Variants in MMRN1 observed in about 807,000 individuals in gnomAD.
MMRN1 encodes multimerin 1.
Under a neutral mutation model 100.7 loss-of-function variants are expected in MMRN1, and 94 were observed. That is an observed-to-expected ratio of 0.93 (90% CI 0.79 to 1.11). The LOEUF (loss-of-function observed/expected upper bound fraction) is 1.11. MMRN1 is among the 50% of genes least tolerant of loss of function. The pLI, the probability that MMRN1 is intolerant of heterozygous loss-of-function variation, is 0.00. For missense variants in MMRN1, 1,606 were observed against 1,439.1 expected (o/e 1.12, Z -1.88); for synonymous variants, 575 against 505.0 (o/e 1.14, Z -1.86).
intron 3 of MMRN1, among the ~76,000 whole-genome samples, chr4:89,919,758 C>T (rs574997062): frequency 6.6e-6 from 1 of 152,086 alleles, no homozygotes. Flanking sequence ...GAAACAAATG[C>T]TTTTAAAATT....
intron 1 of MMRN1, among the ~76,000 whole-genome samples, chr4:89,908,106 C>G (rs939088974): frequency 3.3e-5 from 5 of 151,254 alleles, no homozygotes; most frequent in Admixed American, 6.6e-5. Context: ...AAACTCAGAT[C>G]TCTATTTTCT....
chr4:89,895,725 C>A, intron 1 of MMRN1, 131 bp downstream of exon 1: 1 of 1,385,218 alleles, frequency 7.2e-7, no homozygotes, highest in Non-Finnish European at 9.6e-7. Context: ...ATAATTTCAC[C>A]ATTTCAGTTA....
intron 1 of MMRN1, among the ~76,000 whole-genome samples, chr4:89,886,958 C>T (rs1720950572): frequency 6.6e-6 from 1 of 152,050 alleles, no homozygotes. Context: ...CTTATTTCTG[C>T]CATCTAACTG....
chr4:89,916,548 T>G (rs1172001651), intron 3 of MMRN1, among the ~76,000 whole-genome samples: 1 of 151,732 alleles, frequency 6.6e-6, no homozygotes, highest in East Asian at 1.9e-4. Flanking sequence ...GAAAAAAGCT[T>G]AATTTTTCTC....
At chr4:89,913,500 A>C (rs544711160) in intron 3 of MMRN1, among the ~76,000 whole-genome samples, 2 of 151,352 alleles carry the variant, frequency 1.3e-5, no homozygotes, top group Non-Finnish European at 3.0e-5. Context: ...GGTGGACTAC[A>C]TACATGTAGG....
intron 1 of MMRN1, among the ~76,000 whole-genome samples, chr4:89,904,064 C>T (rs1358977875): frequency 1.3e-5 from 2 of 151,642 alleles, no homozygotes; most frequent in Non-Finnish European, 2.9e-5. Flanking sequence ...GTATTGATGA[C>T]AACTCTGATG....
chr4:89,895,733 T>A, intron 1 of MMRN1, 139 bp downstream of exon 1: 1 of 1,372,442 alleles, frequency 7.3e-7, no homozygotes, highest in Non-Finnish European at 9.7e-7. Context: ...ACCATTTCAG[T>A]TAGATAAAGT....
chr4:89,944,235 G>A (rs1722919820), intron 6 of MMRN1, among the ~76,000 whole-genome samples: 1 of 151,484 alleles, frequency 6.6e-6, no homozygotes, highest in South Asian at 2.1e-4. Context: ...ATTAATTTTT[G>A]TGACCATCTC....
At chr4:89,889,453 G>A (rs149750413) in intron 1 of MMRN1, among the ~76,000 whole-genome samples, 1 of 152,168 alleles carries the variant, frequency 6.6e-6, no homozygotes, top group Non-Finnish European at 1.5e-5. Flanking sequence ...AAGGGACCAG[G>A]CATAGTTCCT....
chr4:89,933,766 G>T (rs1359198552), intron 5 of MMRN1, among the ~76,000 whole-genome samples: 1 of 152,026 alleles, frequency 6.6e-6, no homozygotes, highest in Non-Finnish European at 1.5e-5. Context: ...CAACATGTGG[G>T]GATTATGGGA....
At position 89,894,920 on chromosome 4, in the gene MMRN1, A is replaced by T; in HGVS notation, c.-52A>T. ...TGGAAGCAGCTATCAAAAAGGCCAT[A>T]AGGATTTTGTCCCCAAATTTCACAT... On this transcript the variant is annotated 5_prime_UTR_variant, in exon 1 of 8. Coordinates refer to ENST00000264790, the MANE Select transcript of MMRN1 (RefSeq NM_007351.3). 3 of 1,555,898 alleles carry T rather than the reference A, an allele frequency of 1.9e-6. No homozygotes were observed. The South Asian group carries it at 3.8e-5, about 19-fold the overall frequency.
At chr4:89,914,090 G>A (rs1028286235) in intron 3 of MMRN1, among the ~76,000 whole-genome samples, 1 of 151,234 alleles carries the variant, frequency 6.6e-6, no homozygotes, top group Non-Finnish European at 1.5e-5. Context: ...TTTGTCCCTT[G>A]AACCTTCATT....
At chr4:89,904,755 AG>A (rs1282985431) in intron 1 of MMRN1, among the ~76,000 whole-genome samples, 3 of 151,668 alleles carry the variant, frequency 2.0e-5, no homozygotes, top group East Asian at 1.9e-4. Flanking sequence ...TTCTCAAATT[AG>A]GGTAGTGTGC....
At chr4:89,896,048 C>A (rs940657737) in intron 1 of MMRN1, among the ~76,000 whole-genome samples, 2 of 152,244 alleles carry the variant, frequency 1.3e-5, no homozygotes, top group African/African-American at 4.8e-5. Flanking sequence ...TCGAAACAAG[C>A]ACACCAGGGG....
chr4:89,941,624 A>G (rs1469054977), intron 6 of MMRN1, among the ~76,000 whole-genome samples: 2 of 152,172 alleles, frequency 1.3e-5, no homozygotes, highest in Non-Finnish European at 1.5e-5. Context: ...TTGTTTGTAC[A>G]AAGAGTCTGG....
At chr4:89,883,713 A>G (rs958962582) in intron 1 of MMRN1, among the ~76,000 whole-genome samples, 1 of 152,102 alleles carries the variant, frequency 6.6e-6, no homozygotes, top group Non-Finnish European at 1.5e-5. Context: ...GTTTTCAACT[A>G]TGTCCTTTGA....
rs1722560719 is a variant in MMRN1, at chr4:89,935,007, T to C, written c.1327T>C (p.Phe443Leu). 6.2e-7 allele frequency: 1 copy of C among 1,612,520 alleles called. No homozygotes were observed. Among genetic ancestry groups the C allele is most frequent in the South Asian group, 1.1e-5 (1 of 90,724 alleles). Reference protein sequence around the residue: ...SVVSIAAQQKFVLVQENRPTL... With the variant: ...SVVSIAAQQKLVLVQENRPTL... ...GGTTTCAATAGCAGCCCAGCAAAAG[T>C]TTGTTTTGGTGCAAGAGAATCGGCC... Residue 443 changes from phenylalanine to leucine, a missense_variant, in exon 6 of 8, where the codon TTT (phenylalanine) becomes CTT (leucine). Transcript: ENST00000264790.
chr4:89,944,941 A>G (rs375147859), intron 6 of MMRN1, among the ~76,000 whole-genome samples: 2 of 152,158 alleles, frequency 1.3e-5, no homozygotes, highest in South Asian at 2.1e-4. Flanking sequence ...TAGTCGTATA[A>G]CCTTCACCAT....
intron 1 of MMRN1, among the ~76,000 whole-genome samples, chr4:89,881,481 T>C (rs1239004208): frequency 6.6e-6 from 1 of 152,092 alleles, no homozygotes; most frequent in African/African-American, 2.4e-5. Context: ...AAGCAGGTGT[T>C]CTCATTTTGT....
Sources: allele counts gnomAD v4.1 joint callset (sites outside exome capture counted in the v4.1 genomes callset), GRCh38; gene constraint gnomAD v4.1.1; transcripts MANE v1.5; gene names NCBI Gene and HGNC (gene_info 2026-07-23, HGNC 2026-07-21).